Variants in ZDHHC7 observed in about 807,000 individuals in gnomAD.
The protein encoded by ZDHHC7 is palmitoyltransferase ZDHHC7.
In ZDHHC7, 12 loss-of-function variants were observed where a neutral mutation model predicts 34.1. The observed-to-expected ratio is 0.35, with a 90% CI of 0.23 to 0.57. ZDHHC7 has a LOEUF of 0.57. ZDHHC7 is among the 20% of genes least tolerant of loss of function. The pLI is 0.84. For missense variants in ZDHHC7, 388 were observed against 402.7 expected (o/e 0.96, Z 0.31); for synonymous variants, 185 against 155.4 (o/e 1.19, Z -1.42).
rs1166982442 is a variant in ZDHHC7 at position 84,975,622 on chromosome 16, T to C, written c.*721A>G. On this transcript the variant is annotated 3_prime_UTR_variant, in exon 8 of 8. Transcript: ENST00000313732. The stretch of plus-strand genomic sequence containing the variant: ...CAGGACCCCGCGGCTCTCTCCCCTC[T>C]TCCCTGAAACGTCGGTTTCTAAAAA... 2.6e-5 allele frequency: 4 copies of C among 152,694 alleles called. No homozygotes were observed. Among genetic ancestry groups the C allele is most frequent in the Admixed American group, 1.3e-4 (2 of 15,284 alleles). 9.5% of individuals were successfully genotyped at this position (152,694 alleles called of 1,614,324 possible). A position where few individuals can be genotyped will look rare whatever the true frequency, so the allele number is the denominator to read the frequency against.
chr16:85,025,148 C>T, the ZDHHC7 span, among the ~76,000 whole-genome samples: 7 of 152,014 alleles, frequency 4.6e-5, no homozygotes, highest in East Asian at 1.9e-4. Flanking sequence ...CATGGCGGTG[C>T]GCACCTGCAT....
chr16:84,995,033 G>A (rs1051924463), intron 2 of ZDHHC7, among the ~76,000 whole-genome samples: 4 of 152,062 alleles, frequency 2.6e-5, no homozygotes, highest in African/African-American at 7.2e-5. Flanking sequence ...TTTGAGATGC[G>A]GTATTAAAAT....
chr16:85,025,786 C>G, the ZDHHC7 span, among the ~76,000 whole-genome samples: 1 of 152,320 alleles, frequency 6.6e-6, no homozygotes, highest in South Asian at 2.1e-4. Flanking sequence ...ACCTTCCAGG[C>G]CCAGATATAT....
At chr16:85,014,867 T>TGTA (rs1259658651), upstream of ZDHHC7, among the ~76,000 whole-genome samples, 5 of 152,168 alleles carry the variant, frequency 3.3e-5, no homozygotes, top group African/African-American at 9.7e-5. Flanking sequence ...ACGTGTAAGA[T>TGTA]GTACATTGGT....
the ZDHHC7 span, among the ~76,000 whole-genome samples, chr16:85,021,222 G>A: frequency 6.6e-6 from 1 of 151,982 alleles, no homozygotes; most frequent in African/African-American, 2.4e-5. Context: ...GACCATCCTG[G>A]CCAACATGGT....
chr16:85,013,133 C>G (rs575796517), upstream of ZDHHC7, among the ~76,000 whole-genome samples: 4 of 150,268 alleles, frequency 2.7e-5, no homozygotes, highest in Non-Finnish European at 6.0e-5. Context: ...AAACCTTACT[C>G]TATTAAGTTT....
intron 5 of ZDHHC7, 62 bp downstream of exon 5, chr16:84,979,127 C>A (rs2072335087): frequency 2.0e-6 from 3 of 1,507,576 alleles, no homozygotes; most frequent in Non-Finnish European, 8.9e-7. Context: ...CTGCTCCAGG[C>A]AAGAAGCAGT....
At chr16:85,019,069 T>C in the ZDHHC7 span, among the ~76,000 whole-genome samples, 2 of 152,202 alleles carry the variant, frequency 1.3e-5, no homozygotes, top group African/African-American at 4.8e-5. Context: ...GGCCACTCAC[T>C]GAGTGCCAAG....
At chr16:85,004,747 G>A (rs963538717) in intron 1 of ZDHHC7, among the ~76,000 whole-genome samples, 2 of 152,158 alleles carry the variant, frequency 1.3e-5, no homozygotes, top group Non-Finnish European at 2.9e-5. Flanking sequence ...GCTTGAGGGA[G>A]ACAAGAAAAA....
chr16:85,018,511 G>A, the ZDHHC7 span, among the ~76,000 whole-genome samples: 15 of 151,418 alleles, frequency 9.9e-5, no homozygotes, highest in Middle Eastern at 0.014. Flanking sequence ...GCAATGGCAC[G>A]ATCTCAGCTC....
At chr16:85,016,705 T>C in the ZDHHC7 span, among the ~76,000 whole-genome samples, 26 of 151,528 alleles carry the variant, frequency 1.7e-4, no homozygotes, top group Middle Eastern at 6.8e-3. Context: ...AGCGATCCTC[T>C]CACCTCAGCC....
the ZDHHC7 span, among the ~76,000 whole-genome samples, chr16:85,018,004 CGA>C: frequency 1.3e-5 from 2 of 151,960 alleles, no homozygotes; most frequent in Non-Finnish European, 2.9e-5. Flanking sequence ...TTGGAACTGT[CGA>C]GACACGGGTG....
chr16:85,021,179 C>T, the ZDHHC7 span, among the ~76,000 whole-genome samples: 23 of 151,366 alleles, frequency 1.5e-4, no homozygotes, highest in South Asian at 1.9e-3. Context: ...TTTGGGAGGC[C>T]GAGGTGGGCG....
chr16:84,986,989 T>G (rs558989261), intron 3 of ZDHHC7, among the ~76,000 whole-genome samples: 14 of 152,272 alleles, frequency 9.2e-5, no homozygotes, highest in Admixed American at 3.3e-4. Context: ...TTCAGAAAAG[T>G]AGACCTGGAC....
chr16:84,994,004 G>A (rs2072542995), intron 2 of ZDHHC7, among the ~76,000 whole-genome samples: 4 of 152,200 alleles, frequency 2.6e-5, no homozygotes. Flanking sequence ...TACTAGTAAA[G>A]CCTGACTGTC....
intron 3 of ZDHHC7, among the ~76,000 whole-genome samples, chr16:84,983,981 T>A (rs1216042127): frequency 7.0e-6 from 1 of 143,732 alleles, no homozygotes; most frequent in Non-Finnish European, 1.5e-5. Flanking sequence ...AAAAAAAAAA[T>A]TTTTACTTAA....
Position 84,974,289 on chromosome 16 carries a change from TTG to T in ZDHHC7, c.*2052_*2053del, listed in dbSNP as rs2072265348. On this transcript the variant is annotated 3_prime_UTR_variant, in exon 8 of 8. Coordinates refer to ENST00000313732, the MANE Select transcript of ZDHHC7 (RefSeq NM_017740.3). The stretch of plus-strand genomic sequence containing the variant: ...AGCAACAGTACTCACTGGGCAACAT[TTG>T]TGAGTCGCGCTTGAGTGCCCAGGTC... 1 of 152,118 alleles carries T rather than the reference TTG, an allele frequency of 6.6e-6. No homozygotes were observed. Among genetic ancestry groups the T allele is most frequent in the African/African-American group, 2.4e-5 (1 of 41,416 alleles). 9.4% of individuals were successfully genotyped at this position (152,118 alleles called of 1,614,324 possible).
chr16:84,990,759 A>C, intron 2 of ZDHHC7, 124 bp from the exon 3 acceptor site: 1 of 753,610 alleles, frequency 1.3e-6, no homozygotes, highest in East Asian at 2.7e-5. Flanking sequence ...ATAGTGGGAA[A>C]GAACATAAAA....
At chr16:84,981,446 T>A (rs2072366669) in intron 4 of ZDHHC7, among the ~76,000 whole-genome samples, 2 of 152,240 alleles carry the variant, frequency 1.3e-5, no homozygotes. Flanking sequence ...ACAGCCTCTC[T>A]GGCTGGCTGG....
Sources: allele counts gnomAD v4.1 joint callset (sites outside exome capture counted in the v4.1 genomes callset), GRCh38; gene constraint gnomAD v4.1.1; transcripts MANE v1.5; gene names NCBI Gene and HGNC (gene_info 2026-07-23, HGNC 2026-07-21).